The following DENND2A variants were observed in gnomAD, a reference collection of about 807,000 sequenced individuals.
DENND2A encodes the protein DENN domain containing 2A, also known as DENN domain-containing protein 2A.
Under a neutral mutation model 105.3 loss-of-function variants are expected in DENND2A, and 53 were observed. The observed-to-expected ratio is 0.50, with a 90% CI of 0.40 to 0.63. DENND2A has a LOEUF of 0.63. Among genes scored for constraint, DENND2A ranks in the 30% least tolerant of loss-of-function variants. The pLI is 0.00. For missense variants in DENND2A, 1,138 were observed against 1,279.6 expected (o/e 0.89, Z 1.69); for synonymous variants, 522 against 508.4 (o/e 1.03, Z -0.36).
chr7:140,637,294 C>T (rs1298949676), intron 1 of DENND2A, among the ~76,000 whole-genome samples: 3 of 152,128 alleles, frequency 2.0e-5, no homozygotes, highest in African/African-American at 7.2e-5. Flanking sequence ...GGGTAGAATC[C>T]CACTCCTACT....
chr7:140,527,394 A>G lies in DENND2A; in HGVS notation c.2429T>C (p.Val810Ala), dbSNP rs1231389573. Residue 810 changes from valine to alanine, a missense_variant, in exon 15 of 20, where the codon GTG (valine) becomes GCG (alanine). Val to Ala is a moderately conservative substitution (Grantham distance 64, BLOSUM62 0). Around this residue, in one of 2 missense-constraint regions of DENND2A, gnomAD observed 627 missense variants for 779.8 expected, o/e 0.80. Transcript: ENST00000496613. This position sits in a 1 kb window ranked among gnomAD's most constrained non-coding sequence, Gnocchi z 4.9. ...PVLPPAMVDI[V>A]CSPTPFLIGL... is the part of the protein sequence containing the mutation. ...GATGAGGAAGGGCGTCGGCGAGCAC[A>G]CGATGTCGACCATGGCGGGTGGCAG... is the stretch of plus-strand genomic sequence containing the variant. The G allele has an allele frequency of 1.2e-6, 2 of 1,609,388 alleles. No homozygotes were observed. The highest frequency in any genetic ancestry group is 4.5e-5 in the East Asian group (2 of 44,758).
intron 19 of DENND2A, 23 bp downstream of exon 19, chr7:140,519,609 G>A: frequency 1.9e-6 from 3 of 1,607,964 alleles, no homozygotes; most frequent in Non-Finnish European, 2.6e-6. Context: ...CACAGGCTGG[G>A]CACCCAGAGC....
intron 12 of DENND2A, among the ~76,000 whole-genome samples, chr7:140,553,452 A>C (rs1369839915): frequency 6.6e-6 from 1 of 152,094 alleles, no homozygotes. Flanking sequence ...CAGGAGACAG[A>C]TGCATTCCTC....
intron 9 of DENND2A, among the ~76,000 whole-genome samples, chr7:140,560,192 G>T (rs1405670091): frequency 1.3e-5 from 2 of 152,204 alleles, no homozygotes; most frequent in African/African-American, 2.4e-5. Context: ...TCCAGGCAAA[G>T]CTGTCCCTTT....
chr7:140,578,868 C>T (rs1000614114), intron 5 of DENND2A, among the ~76,000 whole-genome samples: 19 of 152,126 alleles, frequency 1.2e-4, no homozygotes, highest in East Asian at 5.8e-4. Flanking sequence ...CGTGAGACTT[C>T]GTCTCATAAA....
intron 1 of DENND2A, among the ~76,000 whole-genome samples, chr7:140,617,519 C>G (rs1341119820): frequency 6.6e-6 from 1 of 152,054 alleles, no homozygotes; most frequent in South Asian, 2.1e-4. Context: ...GAGTTCGAGA[C>G]CAGCCTGGCC....
intron 5 of DENND2A, among the ~76,000 whole-genome samples, chr7:140,583,239 G>T (rs1000462437): frequency 4.6e-4 from 70 of 152,138 alleles, no homozygotes; most frequent in African/African-American, 1.5e-3. Flanking sequence ...AACCCGGGAG[G>T]TGGAGCTTGC....
intron 3 of DENND2A, among the ~76,000 whole-genome samples, chr7:140,593,875 G>C (rs1172237666): frequency 6.6e-6 from 1 of 152,062 alleles, no homozygotes; most frequent in Non-Finnish European, 1.5e-5. Flanking sequence ...GCTGCTGACA[G>C]GATGGTCTCT....
chr7:140,611,955 T>C (rs1178775638), intron 1 of DENND2A, among the ~76,000 whole-genome samples: 1 of 152,086 alleles, frequency 6.6e-6, no homozygotes, highest in Non-Finnish European at 1.5e-5. Flanking sequence ...AGATGGTGAA[T>C]GTTGGCTGAG....
intron 12 of DENND2A, among the ~76,000 whole-genome samples, chr7:140,552,206 A>G (rs1347321157): frequency 1.3e-5 from 2 of 152,104 alleles, no homozygotes; most frequent in Admixed American, 6.6e-5. Context: ...CCAATGGCCA[A>G]CCCCAACATA....
intron 1 of DENND2A, among the ~76,000 whole-genome samples, chr7:140,631,365 G>C (rs964741125): frequency 3.2e-4 from 48 of 152,112 alleles, no homozygotes; most frequent in Middle Eastern, 3.2e-3. Context: ...CCTCGGGGTT[G>C]TGTGTGTACC....
chr7:140,567,733 G>C (rs1797924139), intron 8 of DENND2A, among the ~76,000 whole-genome samples: 1 of 152,110 alleles, frequency 6.6e-6, no homozygotes, highest in Non-Finnish European at 1.5e-5. Context: ...TTTTGGAGCT[G>C]GGAGCTTTGT....
Position 140,585,671 on chromosome 7 carries a change from A to C in DENND2A, c.1163T>G (p.Leu388Ter), listed in dbSNP as rs1260157728. The C allele has an allele frequency of 6.2e-6, 10 of 1,614,196 alleles. No individual in the cohort carries two copies. The highest frequency in any genetic ancestry group is 8.5e-6 in the Non-Finnish European group (10 of 1,180,034). ...MKENPYEDIE[L>*]HGRCLGKKCV... Reference sequence around the variant, plus strand: ...CTTCTTTCCCAGGCAGCGACCATGTAACTCGATGTCCTCATAAGGGTTCTC... The same window carrying C: ...CTTCTTTCCCAGGCAGCGACCATGTCACTCGATGTCCTCATAAGGGTTCTC... The change falls in exon 5 of 20, where the codon TTA (leucine) becomes TGA (stop). Residue 388 changes from leucine to a stop codon, truncating the protein, a stop_gained. Coordinates refer to ENST00000496613, the MANE Select transcript of DENND2A (RefSeq NM_015689.5). LOFTEE classifies it high-confidence loss of function.
intron 3 of DENND2A, among the ~76,000 whole-genome samples, chr7:140,599,542 T>G (rs1169336204): frequency 2.6e-5 from 4 of 152,094 alleles, no homozygotes; most frequent in Non-Finnish European, 4.4e-5. Context: ...AATATAATTA[T>G]CACCATTTTA....
At chr7:140,618,028 G>A (rs1221318533) in intron 1 of DENND2A, among the ~76,000 whole-genome samples, 1 of 152,136 alleles carries the variant, frequency 6.6e-6, no homozygotes, top group Non-Finnish European at 1.5e-5. Flanking sequence ...TCCAGAGGGT[G>A]AAAATAGAAG....
intron 12 of DENND2A, among the ~76,000 whole-genome samples, chr7:140,554,422 T>C (rs866020865): frequency 2.0e-5 from 3 of 151,890 alleles, no homozygotes; most frequent in African/African-American, 7.3e-5. Flanking sequence ...GGTGGATCAC[T>C]TGAGGTCAGT....
At chr7:140,519,095 G>A (rs968950810) in intron 19 of DENND2A, among the ~76,000 whole-genome samples, 3 of 152,184 alleles carry the variant, frequency 2.0e-5, no homozygotes, top group East Asian at 1.9e-4. Context: ...GTAGCCCTCC[G>A]TCCTGCAGGA....
intron 3 of DENND2A, 108 bp downstream of exon 3, chr7:140,601,295 T>G: frequency 7.1e-7 from 1 of 1,416,348 alleles, no homozygotes; most frequent in African/African-American, 1.4e-5. Context: ...ACAAGATCCA[T>G]CAGTTTAATA....
At chr7:140,570,530 C>T (rs6972562) in intron 6 of DENND2A, among the ~76,000 whole-genome samples, 4,085 of 152,318 alleles carry the variant, frequency 0.027, 186 homozygotes, top group African/African-American at 0.093. Flanking sequence ...GAACTGCTCC[C>T]GAGCCCTAGC....
Sources: gnomAD v4.1 joint callset for allele counts (sites outside exome capture counted in the v4.1 genomes callset) on GRCh38, gnomAD v4.1.1 for gene constraint, gnomAD v4.1.1 regional missense constraint, Gnocchi (gnomAD v3.1) non-coding constraint, MANE v1.5 for transcripts, NCBI Gene and HGNC (gene_info 2026-07-23, HGNC 2026-07-21) for gene names.